Variants in SIPA1L1 observed in about 807,000 individuals in gnomAD.
SIPA1L1 encodes the protein signal-induced proliferation-associated 1-like protein 1.
A neutral mutation model predicts 162.7 loss-of-function variants in SIPA1L1; 26 were observed. The observed-to-expected ratio is 0.16, with a 90% CI of 0.12 to 0.22. The LOEUF is 0.22. Ranked by LOEUF, SIPA1L1 falls within the 10% of genes least tolerant of loss-of-function variation. The probability of loss-of-function intolerance (pLI) is 1.00; values close to 1 mark genes in which losing one functional copy is unlikely to be tolerated. For synonymous variants in SIPA1L1, 829 were observed against 837.4 expected, an observed-to-expected ratio of 0.99 and a Z score of 0.17; for missense variants, 1,874 against 2,241.0, an observed-to-expected ratio of 0.84 and a Z score of 3.31.
chr14:71,607,762 C>A (rs1163917473), intron 5 of SIPA1L1, among the ~76,000 whole-genome samples: 1 of 152,166 alleles, frequency 6.6e-6, no homozygotes, highest in Non-Finnish European at 1.5e-5. Context: ...CATGCAAAAG[C>A]ACCATACTTT....
chr14:71,339,721 C>T (rs2035456238), intron 2 of SIPA1L1, among the ~76,000 whole-genome samples: 1 of 152,184 alleles, frequency 6.6e-6, no homozygotes, highest in Non-Finnish European at 1.5e-5. Context: ...ACTCTATCTT[C>T]ATTTGTTTCA....
At chr14:71,704,115 A>G (rs1293217009) in intron 15 of SIPA1L1, among the ~76,000 whole-genome samples, 2 of 152,208 alleles carry the variant, frequency 1.3e-5, no homozygotes, top group Non-Finnish European at 2.9e-5. Context: ...ATAAAATATT[A>G]AAATAATTTT....
rs539332737 is a variant in SIPA1L1 at position 71,430,327 on chromosome 14, G to A, written c.-464-82416G>A. ...TGATCTTTTAAGAAAATAAAAAACTGTAATACTTATTTTATCAATAAATTA... is the reference window on the plus strand; with the variant it reads ...TGATCTTTTAAGAAAATAAAAAACTATAATACTTATTTTATCAATAAATTA... On this transcript the variant is annotated intron_variant, in intron 2 of 23. Transcript: ENST00000381232. Among the ~76,000 whole-genome samples, 4 of 152,158 alleles carry A rather than the reference G, an allele frequency of 2.6e-5. No individual in the cohort carries two copies. In the South Asian group the frequency reaches 8.3e-4, roughly 32 times the overall value.
chr14:71,445,678 T>C (rs1473578786), intron 2 of SIPA1L1, among the ~76,000 whole-genome samples: 1 of 152,182 alleles, frequency 6.6e-6, no homozygotes, highest in African/African-American at 2.4e-5. Context: ...TTTCCAACAT[T>C]TGTTGATTGT....
intron 2 of SIPA1L1, among the ~76,000 whole-genome samples, chr14:71,423,430 G>T (rs1373998393): frequency 6.6e-6 from 1 of 152,100 alleles, no homozygotes; most frequent in African/African-American, 2.4e-5. Flanking sequence ...TCTACCTTAT[G>T]TTTTCCTGTG....
At chr14:71,683,133 G>A (rs985709797) in intron 12 of SIPA1L1, among the ~76,000 whole-genome samples, 9 of 152,164 alleles carry the variant, frequency 5.9e-5, no homozygotes, top group African/African-American at 2.4e-5. Flanking sequence ...CAGCCTAGGC[G>A]ACACAGCAAG....
In SIPA1L1 at chr14:71,589,402, C is replaced by T. The variant is rs751724310; in HGVS notation, c.1498+32C>T. The T allele has an allele frequency of 2.8e-6, 4 of 1,414,482 alleles. No individual in the cohort carries two copies. In the South Asian group the frequency reaches 4.9e-5, roughly 17 times the overall value. 87.6% of individuals were successfully genotyped at this position (1,414,482 alleles called of 1,614,324 possible). ...AGAGATCCTTTATTTCTTACATTTT[C>T]TTTTGCAGTACTTTCTGAAGAAAAG... On this transcript the variant is annotated intron_variant, in intron 5 of 23. Coordinates refer to ENST00000381232, the MANE Select transcript of SIPA1L1 (RefSeq NM_001386936.1).
At chr14:71,659,560 C>T (rs1482543426) in intron 9 of SIPA1L1, among the ~76,000 whole-genome samples, 1 of 151,968 alleles carries the variant, frequency 6.6e-6, no homozygotes, top group Admixed American at 6.6e-5. Context: ...AGAAAAACAC[C>T]ATGCTAAGAA....
chr14:71,497,954 C>T lies in SIPA1L1; in HGVS notation c.-464-14789C>T, dbSNP rs1268286463. ...GTGACTGTATCATTTTTCGTTCTCA[C>T]CAGCAATGTTGGAGAGTTCTCATTT... On this transcript the variant is annotated intron_variant, in intron 2 of 23. Transcript: ENST00000381232. The T allele has an allele frequency of 2.6e-5, 4 of 152,238 alleles. No individual in the cohort carries two copies. In the East Asian group the frequency reaches 7.7e-4, roughly 29 times the overall value. 9.4% of individuals were successfully genotyped at this position (152,238 alleles called of 1,614,324 possible).
At chr14:71,568,900 G>A (rs1252325164) in intron 4 of SIPA1L1, among the ~76,000 whole-genome samples, 1 of 152,150 alleles carries the variant, frequency 6.6e-6, no homozygotes. Flanking sequence ...AGCATGGGAT[G>A]GGAAGTTGAT....
At chr14:71,513,057 C>T (rs1041666087) in intron 3 of SIPA1L1, among the ~76,000 whole-genome samples, 4 of 152,202 alleles carry the variant, frequency 2.6e-5, no homozygotes, top group Admixed American at 6.5e-5. Context: ...TCGTGTCTCC[C>T]TAAAACTAAG....
intron 13 of SIPA1L1, among the ~76,000 whole-genome samples, chr14:71,692,535 A>G (rs1484258669): frequency 3.3e-5 from 5 of 152,206 alleles, no homozygotes; most frequent in Non-Finnish European, 7.3e-5. Context: ...TCTGGCATCC[A>G]TGTCAGGATT....
chr14:71,617,224 G>A (rs887530142), intron 5 of SIPA1L1, among the ~76,000 whole-genome samples: 1 of 152,006 alleles, frequency 6.6e-6, no homozygotes, highest in African/African-American at 2.4e-5. Context: ...TCACATTGCT[G>A]TCTGCATGCA....
At chr14:71,341,681 T>C (rs1279827264) in intron 2 of SIPA1L1, among the ~76,000 whole-genome samples, 2 of 152,144 alleles carry the variant, frequency 1.3e-5, no homozygotes, top group African/African-American at 4.8e-5. Context: ...GTAGTTCCAG[T>C]GTCTATTATT....
At chr14:71,365,618 T>G (rs1220123280) in intron 2 of SIPA1L1, among the ~76,000 whole-genome samples, 3 of 152,210 alleles carry the variant, frequency 2.0e-5, no homozygotes, top group Admixed American at 6.5e-5. Flanking sequence ...CCTTTGCATT[T>G]CTAAGGCATT....
chr14:71,411,193 A>G (rs2042379864), intron 2 of SIPA1L1, among the ~76,000 whole-genome samples: 2 of 152,084 alleles, frequency 1.3e-5, no homozygotes, highest in Admixed American at 1.3e-4. Flanking sequence ...AAATTGAGCA[A>G]CCTTTCTTTT....
chr14:71,386,562 A>G (rs973525007), intron 2 of SIPA1L1, among the ~76,000 whole-genome samples: 5 of 152,200 alleles, frequency 3.3e-5, no homozygotes, highest in African/African-American at 1.2e-4. Flanking sequence ...TATATGGTAG[A>G]TGCACAGTAA....
At chr14:71,448,327 T>C (rs2141439606) in intron 2 of SIPA1L1, among the ~76,000 whole-genome samples, 1 of 152,304 alleles carries the variant, frequency 6.6e-6, no homozygotes, top group Non-Finnish European at 1.5e-5. Context: ...CCACAGAGTT[T>C]CCTAAGTGCT....
At chr14:71,558,479 GAGA>G (rs1286557772) in intron 4 of SIPA1L1, among the ~76,000 whole-genome samples, 3 of 152,146 alleles carry the variant, frequency 2.0e-5, no homozygotes, top group Non-Finnish European at 4.4e-5. Context: ...TCTCTCCTGG[GAGA>G]AGGTTACTAA....
Sources: allele counts gnomAD v4.1 joint callset (sites outside exome capture counted in the v4.1 genomes callset), GRCh38; gene constraint gnomAD v4.1.1; transcripts MANE v1.5; gene names NCBI Gene and HGNC (gene_info 2026-07-23, HGNC 2026-07-21).